SH3RF2: variants seen among roughly 807,000 people sequenced by gnomAD.
The protein encoded by SH3RF2 is E3 ubiquitin-protein ligase SH3RF2.
In SH3RF2, 43 loss-of-function variants were observed where a neutral mutation model predicts 59.0. The ratio of observed to expected loss-of-function variants is 0.73; its 90% CI spans 0.57 to 0.94. The LOEUF (loss-of-function observed/expected upper bound fraction) is 0.94. Among genes scored for constraint, SH3RF2 ranks in the 40% least tolerant of loss-of-function variants. SH3RF2 has a pLI of 0.00. For missense variants in SH3RF2, 930 were observed against 940.1 expected, an observed-to-expected ratio of 0.99 and a Z score of 0.14; for synonymous variants, 391 against 391.5, an observed-to-expected ratio of 1.00 and a Z score of 0.01.
intron 3 of SH3RF2, among the ~76,000 whole-genome samples, chr5:146,002,659 G>C (rs1760477330): frequency 1.3e-5 from 2 of 152,258 alleles, no homozygotes; most frequent in Admixed American, 6.5e-5. Flanking sequence ...GTGAGAGGTG[G>C]GCAAGTGAGC....
chr5:145,967,794 G>A (rs942233862), intron 2 of SH3RF2, among the ~76,000 whole-genome samples: 2 of 151,976 alleles, frequency 1.3e-5, no homozygotes, highest in African/African-American at 4.8e-5. Context: ...TGAGTAGCTG[G>A]GACCACAGGC....
chr5:146,060,114 A>G lies in SH3RF2; in HGVS notation c.1804A>G (p.Met602Val). ...WIHSAASSLIMEDKEIPIKSE... is the reference protein window; with the variant it reads ...WIHSAASSLIVEDKEIPIKSE... ...CCACTCCGCGGCCAGCTCCCTCATT[A>G]TGGAAGACAAAGAAATCCCCATCAA... The change falls in exon 9 of 10, where the codon ATG becomes GTG. Residue 602 changes from methionine to valine, a missense_variant. By Grantham distance (21) the Met-to-Val change is conservative. Coordinates refer to ENST00000359120, the MANE Select transcript of SH3RF2 (RefSeq NM_152550.4). 2 of 1,614,072 alleles carry G rather than the reference A, an allele frequency of 1.2e-6. No homozygotes were observed. The highest frequency in any genetic ancestry group is 1.7e-6 in the Non-Finnish European group (2 of 1,179,990).
rs201810085 is a variant in SH3RF2, at chr5:145,965,211, AG to A, written c.378+26906del. On this transcript the variant is annotated intron_variant, in intron 2 of 9. Coordinates refer to ENST00000359120, the MANE Select transcript of SH3RF2 (RefSeq NM_152550.4). ...CTGTCTCAAAAAAAAATTAAAATTAAGAAAAAAAAAACCTAGAACTGTATTT... is the reference window on the plus strand; with the variant it reads ...CTGTCTCAAAAAAAAATTAAAATTAAAAAAAAAAAACCTAGAACTGTATTT... Among the ~76,000 whole-genome samples, 88 of 151,994 alleles carry A rather than the reference AG, an allele frequency of 5.8e-4. 1 individual carries two copies. In the South Asian group the frequency reaches 0.012, roughly 20 times the overall value.
At chr5:146,067,853 C>T (rs539252461), downstream of SH3RF2, among the ~76,000 whole-genome samples, 1 of 152,310 alleles carries the variant, frequency 6.6e-6, no homozygotes, top group African/African-American at 2.4e-5. Context: ...AAGCTCAGGC[C>T]AGGTGCAGCT....
chr5:146,060,012 G>C lies in SH3RF2; in HGVS notation c.1702G>C (p.Val568Leu). Residue 568 changes from valine (V) to leucine (L), a missense_variant, in exon 9 of 10, where the codon GTG (valine) becomes CTG (leucine). Transcript: ENST00000359120. ...CCCCTCCTCCCCCTCAGCCGTGGTG[G>C]TGGAGATGGGGTCCAAGCCTGCCCT... ...GIPSSPSAVVVEMGSKPALTG... is the reference protein window; with the variant it reads ...GIPSSPSAVVLEMGSKPALTG... The C allele has an allele frequency of 6.2e-7, 1 of 1,603,934 alleles. No individual in the cohort carries two copies. The highest frequency in any genetic ancestry group is 8.5e-7 in the Non-Finnish European group (1 of 1,174,484).
chr5:145,941,356 A>G (rs767597381), intron 2 of SH3RF2, among the ~76,000 whole-genome samples: 17 of 152,216 alleles, frequency 1.1e-4, no homozygotes, highest in South Asian at 4.1e-4. Flanking sequence ...TTGTGCCTAC[A>G]TGTCTAAAAC....
chr5:146,003,370 A>G (rs1040474410), intron 3 of SH3RF2, among the ~76,000 whole-genome samples: 2 of 152,130 alleles, frequency 1.3e-5, no homozygotes, highest in African/African-American at 4.8e-5. Context: ...CAAATGTAAA[A>G]TTTCTCAAGA....
intron 2 of SH3RF2, among the ~76,000 whole-genome samples, chr5:145,950,137 C>T (rs1758139620): frequency 6.6e-6 from 1 of 152,206 alleles, no homozygotes; most frequent in African/African-American, 2.4e-5. Flanking sequence ...GTGCCCAGAA[C>T]TGAGCCAAAG....
At chr5:146,067,904 C>T (rs956260031), downstream of SH3RF2, among the ~76,000 whole-genome samples, 2 of 152,198 alleles carry the variant, frequency 1.3e-5, no homozygotes, top group Non-Finnish European at 2.9e-5. Context: ...TCCAATTGGC[C>T]GGTGCCTATG....
chr5:146,065,001 C>G (rs2150026183), downstream of SH3RF2, among the ~76,000 whole-genome samples: 1 of 152,234 alleles, frequency 6.6e-6, no homozygotes, highest in South Asian at 2.1e-4. Context: ...ACTCGGCAAA[C>G]AGAATTGTCC....
Position 146,000,172 on chromosome 5 carries a change from G to A in SH3RF2, c.493G>A (p.Gly165Arg), listed in dbSNP as rs918464477. ...ACAGCTTGATGAGAATTGGTACCAG[G>A]GGGAAATCAATGGCATCAGCGGGAA... ...RRQLDENWYQ[G>R]EINGISGNFP... is the part of the protein sequence containing the mutation. The change falls in exon 3 of 10, where the codon GGG (glycine) becomes AGG (arginine). Residue 165 changes from glycine (G) to arginine (R), a missense_variant. Transcript: ENST00000359120. 5.6e-6 allele frequency: 9 copies of A among 1,613,700 alleles called. No homozygotes were observed. Among genetic ancestry groups the A allele is most frequent in the Non-Finnish European group, 7.6e-6 (9 of 1,179,906 alleles).
At chr5:146,034,186 T>A (rs879517371) in intron 5 of SH3RF2, among the ~76,000 whole-genome samples, 5 of 152,254 alleles carry the variant, frequency 3.3e-5, no homozygotes, top group Non-Finnish European at 7.3e-5. Flanking sequence ...AAAGATTATC[T>A]GAAGGGTTTT....
chr5:145,970,910 T>C (rs1759055615), intron 2 of SH3RF2, among the ~76,000 whole-genome samples: 2 of 152,194 alleles, frequency 1.3e-5, no homozygotes, highest in Admixed American at 6.5e-5. Flanking sequence ...CAATTTGATC[T>C]CTACATTATT....
chr5:146,011,620 G>C (rs948885598), intron 4 of SH3RF2, among the ~76,000 whole-genome samples: 2 of 152,072 alleles, frequency 1.3e-5, no homozygotes, highest in Admixed American at 6.5e-5. Flanking sequence ...GGATTCCTAG[G>C]TATTTTATTC....
At chr5:146,064,792 G>GAAGGAAGGAAAGGAAGGAAGGA (rs1561773729), downstream of SH3RF2, among the ~76,000 whole-genome samples, 18 of 34,024 alleles carry the variant, frequency 5.3e-4, no homozygotes, top group African/African-American at 1.7e-3. Context: ...AGGAAGGAAG[G>GAAGGAAGGAAAGGAAGGAAGGA]AAGGAAGGAA....
chr5:145,937,804 C>A lies in SH3RF2; in HGVS notation c.-106-19C>A. 1.7e-6 allele frequency: 2 copies of A among 1,154,692 alleles called. No individual in the cohort carries two copies. The highest frequency in any genetic ancestry group is 2.4e-6 in the Non-Finnish European group (2 of 819,586). The allele number at this position is 1,154,692 out of a possible 1,614,324, so 71.5% of individuals were successfully genotyped here. ...GAGCAGTCACATTTTTTTTTCTCTC[C>A]TCTCCCTCCTTCAAGCAGGCAAAAA... On this transcript the variant is annotated intron_variant, in intron 1 of 9. Transcript: ENST00000359120.
chr5:146,029,711 A>G (rs1761674780), intron 5 of SH3RF2, among the ~76,000 whole-genome samples: 1 of 152,186 alleles, frequency 6.6e-6, no homozygotes, highest in African/African-American at 2.4e-5. Context: ...TCATAGAAAA[A>G]CAAGATATGG....
At chr5:146,039,496 A>T (rs773431987) in intron 5 of SH3RF2, among the ~76,000 whole-genome samples, 5 of 152,184 alleles carry the variant, frequency 3.3e-5, no homozygotes, top group African/African-American at 4.8e-5. Context: ...TGAAAAAAAA[A>T]AACAAACTAA....
At chr5:146,030,714 A>G (rs11741665) in intron 5 of SH3RF2, among the ~76,000 whole-genome samples, 4 of 150,070 alleles carry the variant, frequency 2.7e-5, no homozygotes, top group Admixed American at 2.7e-4. Context: ...ATATGGCCAG[A>G]AAGTTAAGAA....
Sources: gnomAD v4.1 joint callset for allele counts (sites outside exome capture counted in the v4.1 genomes callset) on GRCh38, gnomAD v4.1.1 for gene constraint, MANE v1.5 for transcripts, NCBI Gene and HGNC (gene_info 2026-07-23, HGNC 2026-07-21) for gene names.